Variants in CREB5 observed in about 807,000 individuals in gnomAD.
The protein encoded by CREB5 is cAMP responsive element binding protein 5.
Under a neutral mutation model 57.1 loss-of-function variants are expected in CREB5, and 19 were observed. That is an observed-to-expected ratio of 0.33 (90% confidence interval 0.23 to 0.49). The LOEUF is 0.49. Among genes scored for constraint, CREB5 ranks in the 20% least tolerant of loss-of-function variants. The probability of loss-of-function intolerance (pLI) is 0.99; values close to 1 mark genes in which losing one functional copy is unlikely to be tolerated. For missense variants in CREB5, 579 were observed against 671.6 expected (o/e 0.86, Z 1.52); for synonymous variants, 238 against 238.3 (o/e 1.00, Z 0.01).
At chr7:28,502,132 TAACATC>T (rs1169159744) in intron 3 of CREB5, among the ~76,000 whole-genome samples, 1 of 152,180 alleles carries the variant, frequency 6.6e-6, no homozygotes, top group East Asian at 1.9e-4. Flanking sequence ...AGGGAAACAG[TAACATC>T]AGTGTTACTG....
At chr7:28,518,831 T>G (rs1354252291) in intron 4 of CREB5, among the ~76,000 whole-genome samples, 2 of 152,240 alleles carry the variant, frequency 1.3e-5, no homozygotes, top group African/African-American at 4.8e-5. Context: ...GAGTGTGGTC[T>G]GAACTCAGGA....
Position 28,488,259 on chromosome 7 carries a change from A to C in CREB5, c.75+13A>C. 1.2e-6 allele frequency: 2 copies of C among 1,612,884 alleles called. No homozygotes were observed. The highest frequency in any genetic ancestry group is 1.1e-5 in the South Asian group (1 of 90,950). The stretch of plus-strand genomic sequence containing the variant: ...AGGCTGCTCCCAGGTGAGTGTGCGG[A>C]TCCTCCCTGCTCTGACATGCAGGGC... On this transcript the variant is annotated intron_variant, in intron 2 of 10. Transcript: ENST00000357727.
At chr7:28,604,945 CCAGT>C (rs1206553548) in intron 5 of CREB5, among the ~76,000 whole-genome samples, 2 of 151,990 alleles carry the variant, frequency 1.3e-5, no homozygotes, top group Non-Finnish European at 2.9e-5. Flanking sequence ...ATATTCTCTT[CCAGT>C]CACTATGTGA....
At chr7:28,813,714 T>C (rs1377052356) in intron 9 of CREB5, among the ~76,000 whole-genome samples, 1 of 152,220 alleles carries the variant, frequency 6.6e-6, no homozygotes, top group Non-Finnish European at 1.5e-5. Flanking sequence ...ATTAGGGACT[T>C]GTTGGAGTGC....
intron 1 of CREB5, among the ~76,000 whole-genome samples, chr7:28,406,016 A>G (rs1181346284): frequency 6.6e-6 from 1 of 152,100 alleles, no homozygotes; most frequent in Admixed American, 6.5e-5. Context: ...TTACTCCACT[A>G]AGTTTGAGAA....
chr7:28,776,986 T>C (rs1806691345), intron 7 of CREB5, among the ~76,000 whole-genome samples: 1 of 152,244 alleles, frequency 6.6e-6, no homozygotes, highest in South Asian at 2.1e-4. Flanking sequence ...TTGACTATTA[T>C]GAATAATGTG....
At chr7:28,320,368 G>A (rs1462322985) in intron 1 of CREB5, among the ~76,000 whole-genome samples, 1 of 152,134 alleles carries the variant, frequency 6.6e-6, no homozygotes, top group East Asian at 1.9e-4. Flanking sequence ...GCCGTTCAAT[G>A]CCAGAGGATC....
At chr7:28,380,109 G>C (rs1438749129) in intron 1 of CREB5, among the ~76,000 whole-genome samples, 1 of 152,172 alleles carries the variant, frequency 6.6e-6, no homozygotes, top group Non-Finnish European at 1.5e-5. Context: ...ATGGTTTGAA[G>C]ACTACTGCTG....
At chr7:28,811,048 C>T (rs539719897) in intron 9 of CREB5, among the ~76,000 whole-genome samples, 21 of 152,194 alleles carry the variant, frequency 1.4e-4, no homozygotes, top group Admixed American at 5.9e-4. Context: ...ACTTGTATGC[C>T]GCGGGAAGAT....
chr7:28,462,676 A>C (rs1010729544), intron 1 of CREB5, among the ~76,000 whole-genome samples: 4 of 152,092 alleles, frequency 2.6e-5, no homozygotes, highest in Admixed American at 6.5e-5. Context: ...GATGTTGACG[A>C]TATTTTTATG....
Position 28,819,209 on chromosome 7 carries a change from G to A in CREB5, c.1457G>A (p.Ser486Asn), listed in dbSNP as rs747483817. ...HNTITTSSSVSEVVGSSTLSQ... is the reference protein window; with the variant it reads ...HNTITTSSSVNEVVGSSTLSQ... The stretch of plus-strand genomic sequence containing the variant: ...ACCATCACTACTTCCTCATCGGTCA[G>A]CGAGGTGGTAGGAAGCTCCACCCTC... Residue 486 changes from serine (S) to asparagine (N), a missense_variant, in exon 11 of 11, where the codon AGC (serine) becomes AAC (asparagine). Coordinates refer to ENST00000357727, the MANE Select transcript of CREB5 (RefSeq NM_182898.4). 1.2e-5 allele frequency: 20 copies of A among 1,613,726 alleles called. No homozygotes were observed. The highest frequency in any genetic ancestry group is 5.0e-5 in the Admixed American group (3 of 59,964).
chr7:28,613,134 G>A (rs1246214619), intron 5 of CREB5, among the ~76,000 whole-genome samples: 2 of 152,188 alleles, frequency 1.3e-5, no homozygotes, highest in Admixed American at 6.5e-5. Flanking sequence ...CTATACCTCA[G>A]CAAACCATTC....
chr7:28,448,427 T>C (rs1789604017), intron 1 of CREB5, among the ~76,000 whole-genome samples: 1 of 152,230 alleles, frequency 6.6e-6, no homozygotes, highest in Admixed American at 6.5e-5. Flanking sequence ...CAATGTGGTG[T>C]TGGAGAGCTC....
At chr7:28,429,390 T>C (rs943802294) in intron 1 of CREB5, among the ~76,000 whole-genome samples, 4 of 152,210 alleles carry the variant, frequency 2.6e-5, no homozygotes, top group Non-Finnish European at 5.9e-5. Context: ...ATAAAGCATA[T>C]TTTGTTCATC....
chr7:28,409,865 T>C (rs1415814571), upstream of CREB5: 1 of 454,164 alleles, frequency 2.2e-6, no homozygotes, highest in East Asian at 7.0e-5. This position sits in a 1 kb window ranked among gnomAD's most constrained non-coding sequence, Gnocchi z 4.4. Flanking sequence ...CGGGGACCAG[T>C]TATGAATCGG....
intron 4 of CREB5, among the ~76,000 whole-genome samples, chr7:28,521,283 CA>C (rs911830510): frequency 9.2e-5 from 14 of 152,302 alleles, no homozygotes; most frequent in African/African-American, 3.1e-4. Context: ...CTTCACTTGG[CA>C]TAAGGTAGTC....
intron 9 of CREB5, among the ~76,000 whole-genome samples, chr7:28,814,973 A>G (rs1809341232): frequency 6.6e-6 from 1 of 152,242 alleles, no homozygotes; most frequent in South Asian, 2.1e-4. Context: ...AACATGTTAC[A>G]TTAAGAAATA....
rs758122572 is a variant in CREB5 at position 28,524,001 on chromosome 7, C to T, written c.291+16264C>T. Among the ~76,000 whole-genome samples the T allele has an allele frequency of 9.9e-5, 15 of 152,230 alleles. No individual in the cohort carries two copies. The Middle Eastern group carries it at 0.01, about 104-fold the overall frequency. On this transcript the variant is annotated intron_variant, in intron 4 of 10. Transcript: ENST00000357727. Reference sequence around the variant, plus strand: ...TCATTCTCAGCACCATTGCCTTACACGTGGAAGGAGCTCTGTGAAGAATTA... The same window carrying T: ...TCATTCTCAGCACCATTGCCTTACATGTGGAAGGAGCTCTGTGAAGAATTA...
intron 1 of CREB5, among the ~76,000 whole-genome samples, chr7:28,351,177 A>C (rs1786178084): frequency 6.6e-6 from 1 of 152,238 alleles, no homozygotes; most frequent in Non-Finnish European, 1.5e-5. Context: ...TGGAAGAGTG[A>C]AAATGGCATT....
Sources: allele counts gnomAD v4.1 joint callset (sites outside exome capture counted in the v4.1 genomes callset), GRCh38; gene constraint gnomAD v4.1.1; non-coding constraint Gnocchi (gnomAD v3.1); transcripts MANE v1.5; gene names NCBI Gene and HGNC (gene_info 2026-07-23, HGNC 2026-07-21).